Variants in CHD5 observed in about 807,000 individuals in gnomAD.
The protein encoded by CHD5 is chromodomain helicase DNA binding protein 5.
CHD5 carries 69 observed loss-of-function variants against 230.3 expected under a neutral mutation model. That is an observed-to-expected ratio of 0.30 (90% CI 0.25 to 0.37). CHD5 has a LOEUF of 0.37. Ranked by LOEUF, CHD5 falls within the 10% of genes least tolerant of loss-of-function variation. CHD5 has a pLI of 1.00. For synonymous variants in CHD5, 1,064 were observed against 1,065.9 expected (o/e 1.00, Z 0.03); for missense variants, 1,827 against 2,622.8 (o/e 0.70, Z 6.63).
At position 6,168,250 on chromosome 1, in the gene CHD5, A is replaced by G. The variant is rs777038711; in HGVS notation, c.107T>C (p.Phe36Ser). The G allele has an allele frequency of 6.2e-7, 1 of 1,609,110 alleles. No homozygotes were observed. Among genetic ancestry groups the G allele is most frequent in the Non-Finnish European group, 8.5e-7 (1 of 1,176,250 alleles). The change falls in exon 2 of 42, where the codon TTC (phenylalanine) becomes TCC (serine). Residue 36 changes from phenylalanine to serine, a missense_variant. Physicochemically the swap from Phe to Ser is radical, Grantham distance 155. Around this residue, in one of 14 missense-constraint regions of CHD5, gnomAD observed 113 missense variants for 91.9 expected, o/e 1.23. Coordinates refer to ENST00000262450, the MANE Select transcript of CHD5 (RefSeq NM_015557.3). Reference protein sequence around the residue: ...SEEEDGGLEAFDDFFPVEPVS... With the variant: ...SEEEDGGLEASDDFFPVEPVS... Reference sequence around the variant, plus strand: ...GGGCTCCACAGGGAAAAAGTCATCGAAGGCTTCAAGACCACCATCTTCTTC... The same window carrying G: ...GGGCTCCACAGGGAAAAAGTCATCGGAGGCTTCAAGACCACCATCTTCTTC...
At chr1:6,141,572 C>T (rs1005945310) in intron 15 of CHD5, among the ~76,000 whole-genome samples, 1 of 151,562 alleles carries the variant, frequency 6.6e-6, no homozygotes, top group African/African-American at 2.4e-5. Context: ...TCGAGATCGC[C>T]CCACTGCACT....
chr1:6,125,443 G>A lies in CHD5; in HGVS notation c.4260+81C>T. On this transcript the variant is annotated intron_variant, in intron 28 of 41. Transcript: ENST00000262450. The surrounding 1 kb of genome is among the most constrained non-coding windows in gnomAD (Gnocchi z 6.7). ...GCCTCTACCTGGCATGAGACCCGGG[G>A]CAGTCCCCCAGCCCTCCTCCATACC... The A allele has an allele frequency of 6.9e-7, 1 of 1,439,156 alleles. No homozygotes were observed. The highest frequency in any genetic ancestry group is 2.0e-5 in the Admixed American group (1 of 50,098). 89.1% of individuals were successfully genotyped at this position (1,439,156 alleles called of 1,614,324 possible).
At chr1:6,112,741 G>C (rs1051890771) in intron 34 of CHD5, among the ~76,000 whole-genome samples, 168 bp downstream of exon 34, 4 of 152,194 alleles carry the variant, frequency 2.6e-5, no homozygotes, top group African/African-American at 9.6e-5. Flanking sequence ...GGCTGTCCCC[G>C]GCATTGGCTG....
At position 6,146,427 on chromosome 1, in the gene CHD5, C is replaced by T; in HGVS notation, c.1591-4G>A. Reference sequence around the variant, plus strand: ...TCACCGTGTGGTACAGCTCCAGCTGCTCATGGAGCGGCACAAAGTCACAGA... The same window carrying T: ...TCACCGTGTGGTACAGCTCCAGCTGTTCATGGAGCGGCACAAAGTCACAGA... On this transcript the variant is annotated splice_region_variant and splice_polypyrimidine_tract_variant and intron_variant, in intron 10 of 41. Transcript: ENST00000262450. This position sits in a 1 kb window ranked among gnomAD's most constrained non-coding sequence, Gnocchi z 5.1. 1 of 1,612,168 alleles carries T rather than the reference C, an allele frequency of 6.2e-7. No homozygotes were observed. Among genetic ancestry groups the T allele is most frequent in the Non-Finnish European group, 8.5e-7 (1 of 1,178,830 alleles).
Position 6,128,914 on chromosome 1 carries a change from C to T in CHD5, c.3543G>A (p.Ser1181=), listed in dbSNP as rs139842525. The T allele has an allele frequency of 1.7e-5, 27 of 1,613,304 alleles. No homozygotes were observed. Among genetic ancestry groups the T allele is most frequent in the South Asian group, 3.3e-5 (3 of 91,074 alleles). ...CCAGCTCCTGCTTGGTCATGGACCCCGACTTGGAGCCGAGGCCGGGCCGCA... is the reference window on the plus strand; with the variant it reads ...CCAGCTCCTGCTTGGTCATGGACCCTGACTTGGAGCCGAGGCCGGGCCGCA... ...LVVRPGLGSK[S]GSMTKQELDD... The change falls in exon 23 of 42, where the codon TCG becomes TCA. Residue 1181 remains serine, a synonymous_variant. Coordinates refer to ENST00000262450, the MANE Select transcript of CHD5 (RefSeq NM_015557.3). The surrounding 1 kb of genome is among the most constrained non-coding windows in gnomAD (Gnocchi z 7.8).
intron 36 of CHD5, among the ~76,000 whole-genome samples, chr1:6,110,853 T>C (rs1666276672): frequency 6.6e-6 from 1 of 152,096 alleles, no homozygotes; most frequent in Non-Finnish European, 1.5e-5. Flanking sequence ...AAATAGAGTA[T>C]TTGCAGATGT....
intron 38 of CHD5, 127 bp from the exon 39 acceptor site, chr1:6,106,906 G>GAT (rs1666181120): frequency 2.2e-6 from 1 of 460,378 alleles, no homozygotes; most frequent in Admixed American, 4.3e-5. Flanking sequence ...ATGGAGGGAT[G>GAT]GAAGGATGGA....
chr1:6,172,334 T>C (rs570273057), intron 1 of CHD5, among the ~76,000 whole-genome samples: 5 of 142,700 alleles, frequency 3.5e-5, no homozygotes, highest in Admixed American at 2.7e-4. Flanking sequence ...TGGGGCTTTA[T>C]TTATTTATTT....
Position 6,102,053 on chromosome 1 carries a change from C to T in CHD5, c.*3421G>A, listed in dbSNP as rs775071125. On this transcript the variant is annotated 3_prime_UTR_variant, in exon 42 of 42. Transcript: ENST00000262450. ...TGGGGCTGTGCCTGGGGAAAGGGGT[C>T]GGCCCCCTCTTAGCTGGGCCTGGGC... 5.1e-5 allele frequency: 20 copies of T among 395,852 alleles called. No homozygotes were observed. The highest frequency in any genetic ancestry group is 9.6e-5 in the Non-Finnish European group (19 of 198,294). The allele number at this position is 395,852 out of a possible 1,614,324, so 24.5% of individuals were successfully genotyped here.
intron 3 of CHD5, 129 bp downstream of exon 3, chr1:6,159,207 G>A (rs917982915): frequency 1.4e-6 from 2 of 1,458,972 alleles, no homozygotes; most frequent in East Asian, 2.5e-5. Context: ...ACTCCAGCCT[G>A]GCAACAGAGT....
intron 1 of CHD5, among the ~76,000 whole-genome samples, chr1:6,179,114 C>T (rs947577868): frequency 1.3e-5 from 2 of 152,216 alleles, no homozygotes; most frequent in African/African-American, 2.4e-5. Context: ...CAACCCCTGG[C>T]GCACAGCCCT....
intron 36 of CHD5, among the ~76,000 whole-genome samples, chr1:6,111,468 C>A (rs1666287023): frequency 6.7e-6 from 1 of 148,756 alleles, no homozygotes; most frequent in Non-Finnish European, 1.5e-5. Context: ...CGGGAGGCAG[C>A]AGTTGCAGTG....
Position 6,118,724 on chromosome 1 carries a change from T to C in CHD5, c.4912+2381A>G, listed in dbSNP as rs146407707. On this transcript the variant is annotated intron_variant, in intron 33 of 41. Coordinates refer to ENST00000262450, the MANE Select transcript of CHD5 (RefSeq NM_015557.3). ...TTACTTTTTTTTTTTTGAGACAGAA[T>C]TTCGATCTTGTTGCCCAGGCTGGAG... Among the ~76,000 whole-genome samples, 301 of 152,102 alleles carry C rather than the reference T, an allele frequency of 2.0e-3. 1 individual carries two copies. The highest frequency in any genetic ancestry group is 7.0e-3 in the African/African-American group (290 of 41,512).
chr1:6,139,622 C>G (rs534561704), intron 15 of CHD5, among the ~76,000 whole-genome samples: 2 of 151,646 alleles, frequency 1.3e-5, no homozygotes, highest in African/African-American at 2.4e-5. Context: ...ACAATCATGG[C>G]GCACTACAGC....
In CHD5 at chr1:6,149,213, C is replaced by T. The variant is rs778078337; in HGVS notation, c.1161+33G>A. On this transcript the variant is annotated intron_variant, in intron 8 of 41. Transcript: ENST00000262450. ...AGGGGTGGGGGAGCCAGGCGTGGCC[C>T]CGCCCCCAGCCCGGGGCTCTGCCAA... 3 of 1,538,396 alleles carry T rather than the reference C, an allele frequency of 2.0e-6. No individual in the cohort carries two copies. The South Asian group carries it at 3.7e-5, about 19-fold the overall frequency.
At chr1:6,109,143 C>T (rs1035467775) in intron 38 of CHD5, among the ~76,000 whole-genome samples, 9 of 152,076 alleles carry the variant, frequency 5.9e-5, no homozygotes, top group African/African-American at 2.2e-4. Context: ...GGGCTGCAGA[C>T]GAGCCAGCCA....
chr1:6,109,654 T>C lies in CHD5; in HGVS notation c.5578+141A>G, dbSNP rs1666253316. The C allele has an allele frequency of 1.4e-5, 10 of 712,796 alleles. No homozygotes were observed. In the Admixed American group the frequency reaches 2.4e-4, roughly 17 times the overall value. 44.2% of individuals were successfully genotyped at this position (712,796 alleles called of 1,614,324 possible). ...GGTCTGATGACAGGACTGTTCCATC[T>C]TGGCCCAGAAGTCCACCGCCCTCTG... On this transcript the variant is annotated intron_variant, in intron 38 of 41. Transcript: ENST00000262450.
At position 6,155,508 on chromosome 1, in the gene CHD5, G is replaced by C; in HGVS notation, c.506+91C>G. 1.8e-6 allele frequency: 2 copies of C among 1,134,464 alleles called. No individual in the cohort carries two copies. The highest frequency in any genetic ancestry group is 2.6e-6 in the Non-Finnish European group (2 of 757,504). The allele number at this position is 1,134,464 out of a possible 1,614,324, so 70.3% of individuals were successfully genotyped here. A position where few individuals can be genotyped will look rare whatever the true frequency, so the allele number is the denominator to read the frequency against. Reference sequence around the variant, plus strand: ...TCTGACAGAGCCCACCCCTACCCCAGGTGCCGGGGCTTCACTCCTCTGCCT... The same window carrying C: ...TCTGACAGAGCCCACCCCTACCCCACGTGCCGGGGCTTCACTCCTCTGCCT... On this transcript the variant is annotated intron_variant, in intron 4 of 41. Transcript: ENST00000262450. The surrounding 1 kb of genome is among the most constrained non-coding windows in gnomAD (Gnocchi z 4.0).
rs373331187 is a variant in CHD5 at position 6,143,996 on chromosome 1, G to A, written c.1934+28C>T. On this transcript the variant is annotated intron_variant, in intron 12 of 41. Transcript: ENST00000262450. The stretch of plus-strand genomic sequence containing the variant: ...CCAGGAGCAGGTCCCGGCAGCCTGT[G>A]CCTAGCAGCCGGATCCCTGCGACCC... 3.8e-5 allele frequency: 61 copies of A among 1,614,018 alleles called. No individual in the cohort carries two copies. In the African/African-American group the frequency reaches 7.3e-4, roughly 19 times the overall value.
Sources: gnomAD v4.1 joint callset for allele counts (sites outside exome capture counted in the v4.1 genomes callset) on GRCh38, gnomAD v4.1.1 for gene constraint, gnomAD v4.1.1 regional missense constraint, Gnocchi (gnomAD v3.1) non-coding constraint, MANE v1.5 for transcripts, NCBI Gene and HGNC (gene_info 2026-07-23, HGNC 2026-07-21) for gene names.